Variants in NIBAN1 observed in about 807,000 individuals in gnomAD.
NIBAN1 encodes niban apoptosis regulator 1, also known as protein Niban 1.
In NIBAN1, 81 loss-of-function variants were observed where a neutral mutation model predicts 75.1. That is an observed-to-expected ratio of 1.08 (90% CI 0.90 to 1.30). The LOEUF is 1.30. NIBAN1 is among the 50% of genes most tolerant of loss of function. The probability of loss-of-function intolerance (pLI) is 0.00; values close to 1 mark genes in which losing one functional copy is unlikely to be tolerated. For missense variants in NIBAN1, 1,133 were observed against 1,128.1 expected, an observed-to-expected ratio of 1.00 and a Z score of -0.06; for synonymous variants, 436 against 424.8, an observed-to-expected ratio of 1.03 and a Z score of -0.32.
At chr1:184,868,333 A>G (rs1303278514) in intron 5 of NIBAN1, 1 of 152,250 alleles carries the variant, frequency 6.6e-6, no homozygotes, top group Non-Finnish European at 1.5e-5. Context: ...CCAGTTAACA[A>G]AAGAAAATGC....
intron 5 of NIBAN1, chr1:184,867,804 T>A: frequency 2.1e-6 from 2 of 957,250 alleles, no homozygotes; most frequent in Non-Finnish European, 2.5e-6. Context: ...AATGACTGTG[T>A]TTTCGGTTTG....
At chr1:184,796,134 T>C (rs1370984963) in intron 13 of NIBAN1, 37 bp from the exon 14 acceptor site, 2 of 1,488,132 alleles carry the variant, frequency 1.3e-6, no homozygotes, top group South Asian at 2.8e-5. Context: ...GATTTTCTGA[T>C]TTTATTGAGA....
At chr1:184,881,547 A>G (rs1294930689) in intron 5 of NIBAN1, among the ~76,000 whole-genome samples, 1 of 152,160 alleles carries the variant, frequency 6.6e-6, no homozygotes, top group Non-Finnish European at 1.5e-5. Context: ...CTCGCGCAAG[A>G]AAGAATTCAG....
rs376973147 is a variant in NIBAN1, at chr1:184,945,591, G to A, written c.55+28711C>T. The stretch of plus-strand genomic sequence containing the variant: ...CCTTAGCCCTAGGTCAAAGAGTAGC[G>A]AGTGAATATATTTGTTTCATTAACA... On this transcript the variant is annotated intron_variant, in intron 1 of 13. Coordinates refer to ENST00000367511, the MANE Select transcript of NIBAN1 (RefSeq NM_052966.4). Among the ~76,000 whole-genome samples the A allele has an allele frequency of 7.9e-5, 12 of 152,252 alleles. No homozygotes were observed. In the South Asian group the frequency reaches 1.7e-3, roughly 21 times the overall value.
intron 1 of NIBAN1, among the ~76,000 whole-genome samples, chr1:184,913,923 C>A (rs1326071247): frequency 6.6e-6 from 1 of 152,186 alleles, no homozygotes; most frequent in Non-Finnish European, 1.5e-5. Flanking sequence ...TAATGGCTGT[C>A]ATCTGTCTGC....
intron 1 of NIBAN1, among the ~76,000 whole-genome samples, chr1:184,955,495 C>T (rs1185396270): frequency 1.3e-5 from 2 of 151,796 alleles, no homozygotes; most frequent in Non-Finnish European, 2.9e-5. Flanking sequence ...CGCACCACCA[C>T]GCCCGGCTAA....
At position 184,818,624 on chromosome 1, in the gene NIBAN1, G is replaced by T; in HGVS notation, c.1173+14C>A. 1.3e-6 allele frequency: 2 copies of T among 1,575,636 alleles called. No homozygotes were observed. Among genetic ancestry groups the T allele is most frequent in the East Asian group, 2.3e-5 (1 of 44,182 alleles). On this transcript the variant is annotated intron_variant, in intron 9 of 13. Coordinates refer to ENST00000367511, the MANE Select transcript of NIBAN1 (RefSeq NM_052966.4). The stretch of plus-strand genomic sequence containing the variant: ...CAGACCATTCACACCCAGCTCCTCA[G>T]CTTTGTATCCTACCTCCTTTAGCTG...
intron 1 of NIBAN1, among the ~76,000 whole-genome samples, chr1:184,906,315 C>A (rs1657102889): frequency 1.3e-5 from 2 of 151,566 alleles, no homozygotes; most frequent in Admixed American, 6.6e-5. Context: ...ATTTGAAATT[C>A]AATTCATATC....
intron 5 of NIBAN1, among the ~76,000 whole-genome samples, chr1:184,865,824 G>C (rs149274947): frequency 2.1e-4 from 32 of 152,180 alleles, no homozygotes; most frequent in Non-Finnish European, 4.0e-4. Flanking sequence ...GATAGTAGGC[G>C]ATGAGGAGCA....
At chr1:184,814,602 T>A (rs1157624585) in intron 9 of NIBAN1, among the ~76,000 whole-genome samples, 1 of 152,224 alleles carries the variant, frequency 6.6e-6, no homozygotes, top group Non-Finnish European at 1.5e-5. Context: ...TAAAAATTTT[T>A]GTATCATCAT....
In NIBAN1 at chr1:184,826,819, T is replaced by A. The variant is rs1557879018; in HGVS notation, c.718-3077A>T. ...AACTTAGGGAATTAAAGGAAATATG[T>A]CTGCGAGGAAAAAGAGAGGGTGGGA... is the stretch of plus-strand genomic sequence containing the variant. On this transcript the variant is annotated intron_variant, in intron 6 of 13. Transcript: ENST00000367511. Among the ~76,000 whole-genome samples the A allele has an allele frequency of 3.3e-5, 5 of 149,828 alleles. No homozygotes were observed. In the South Asian group the frequency reaches 1.0e-3, roughly 31 times the overall value.
chr1:184,914,111 C>T (rs2102009135), intron 1 of NIBAN1, among the ~76,000 whole-genome samples: 1 of 152,352 alleles, frequency 6.6e-6, no homozygotes, highest in Middle Eastern at 3.4e-3. Flanking sequence ...CTCAAGCTGA[C>T]TCAGTCTCCA....
At chr1:184,949,834 G>A (rs1340663650) in intron 1 of NIBAN1, among the ~76,000 whole-genome samples, 1 of 152,086 alleles carries the variant, frequency 6.6e-6, no homozygotes, top group Non-Finnish European at 1.5e-5. Context: ...TTTCTAATGG[G>A]GAAATTGGGG....
At chr1:184,883,125 T>C (rs920958508) in intron 5 of NIBAN1, among the ~76,000 whole-genome samples, 3 of 152,142 alleles carry the variant, frequency 2.0e-5, no homozygotes, top group African/African-American at 7.2e-5. Context: ...GGGAAACCTC[T>C]GAATTTTAAA....
chr1:184,839,608 T>C (rs1232427274), intron 5 of NIBAN1, among the ~76,000 whole-genome samples: 2 of 152,050 alleles, frequency 1.3e-5, no homozygotes, highest in African/African-American at 2.4e-5. Flanking sequence ...TAATTTTTTT[T>C]TTTTGAGACG....
chr1:184,840,971 G>T (rs1163595844), intron 5 of NIBAN1, among the ~76,000 whole-genome samples: 4 of 151,474 alleles, frequency 2.6e-5, no homozygotes, highest in Non-Finnish European at 1.5e-5. Context: ...GTGTGTGTGT[G>T]TGTGTGTATG....
At chr1:184,969,367 C>T (rs575318118) in intron 1 of NIBAN1, among the ~76,000 whole-genome samples, 1 of 152,300 alleles carries the variant, frequency 6.6e-6, no homozygotes, top group East Asian at 1.9e-4. Flanking sequence ...TTGGCTTTGT[C>T]TTTAGGCTAG....
Position 184,834,612 on chromosome 1 carries a change from G to C in NIBAN1, c.602-2650C>G, listed in dbSNP as rs550672865. On this transcript the variant is annotated intron_variant, in intron 5 of 13. Transcript: ENST00000367511. ...TTGTGTTTCTCTGATGACCAGTGAT[G>C]ATGAGCATTTTTTCATGTGTCTGTT... 2.6e-5 allele frequency among the ~76,000 whole-genome samples: 4 copies of C among 152,312 alleles called. No homozygotes were observed. The South Asian group carries it at 8.3e-4, about 32-fold the overall frequency.
At chr1:184,883,412 A>G (rs1404330284) in intron 5 of NIBAN1, among the ~76,000 whole-genome samples, 1 of 152,160 alleles carries the variant, frequency 6.6e-6, no homozygotes, top group Non-Finnish European at 1.5e-5. Flanking sequence ...CCTAACACCT[A>G]CGTAGAGGCT....
Sources: gnomAD v4.1 joint callset for allele counts (sites outside exome capture counted in the v4.1 genomes callset) on GRCh38, gnomAD v4.1.1 for gene constraint, MANE v1.5 for transcripts, NCBI Gene and HGNC (gene_info 2026-07-23, HGNC 2026-07-21) for gene names.